The following ZNF444 variants were observed in gnomAD, a reference collection of about 807,000 sequenced individuals.
ZNF444 encodes endothelial zinc finger protein 2.
ZNF444 carries 8 observed loss-of-function variants against 14.4 expected under a neutral mutation model. The ratio of observed to expected loss-of-function variants is 0.56; its 90% CI spans 0.33 to 1.00. The LOEUF (loss-of-function observed/expected upper bound fraction) is 1.00, where lower values mean the gene tolerates loss of function less well. ZNF444 is among the 50% of genes least tolerant of loss of function. ZNF444 has a pLI of 0.03. For synonymous variants in ZNF444, 258 were observed against 235.9 expected (o/e 1.09, Z -0.86); for missense variants, 510 against 504.8 (o/e 1.01, Z -0.10).
At chr19:56,134,457 G>T (rs1366837775) in intron 1 of ZNF444, among the ~76,000 whole-genome samples, 1 of 152,146 alleles carries the variant, frequency 6.6e-6, no homozygotes, top group Non-Finnish European at 1.5e-5. Context: ...CTCAGCATGA[G>T]GTGGGCGGAG....
chr19:56,152,728 G>GTC (rs1172135800), intron 3 of ZNF444, among the ~76,000 whole-genome samples: 1 of 152,074 alleles, frequency 6.6e-6, no homozygotes, highest in African/African-American at 2.4e-5. Context: ...TTTGGTGAGG[G>GTC]TCTCCTGCTG....
Position 56,147,020 on chromosome 19 carries a change from G to T in ZNF444, c.109G>T (p.Ala37Ser), listed in dbSNP as rs953242071. The change falls in exon 3 of 5, where the codon GCG (alanine) becomes TCG (serine). Residue 37 changes from alanine to serine, a missense_variant. Transcript: ENST00000337080. The surrounding 1 kb of genome is among the most constrained non-coding windows in gnomAD (Gnocchi z 5.9). ...HLGDAPGPREALGLLRALCRD... is the reference protein window; with the variant it reads ...HLGDAPGPRESLGLLRALCRD... ...GGGCGACGCGCCGGGCCCGCGGGAG[G>T]CGCTGGGGCTGCTCCGCGCCCTGTG... The T allele has an allele frequency of 6.7e-7, 1 of 1,486,028 alleles. No homozygotes were observed. Among genetic ancestry groups the T allele is most frequent in the Non-Finnish European group, 8.9e-7 (1 of 1,127,728 alleles). 92.1% of individuals were successfully genotyped at this position (1,486,028 alleles called of 1,614,324 possible). A position where few individuals can be genotyped will look rare whatever the true frequency, so the allele number is the denominator to read the frequency against.
chr19:56,139,362 C>A (rs1009800481), upstream of ZNF444, among the ~76,000 whole-genome samples: 1 of 151,946 alleles, frequency 6.6e-6, no homozygotes, highest in Non-Finnish European at 1.5e-5. Context: ...GCCAATAGGA[C>A]CTGATGATAG....
chr19:56,142,590 C>T (rs965266259), intron 1 of ZNF444, among the ~76,000 whole-genome samples: 1 of 152,202 alleles, frequency 6.6e-6, no homozygotes, highest in Non-Finnish European at 1.5e-5. Flanking sequence ...CCATTAATGT[C>T]GAGGTTGGGA....
chr19:56,159,270 C>T (rs2032110871), intron 4 of ZNF444, among the ~76,000 whole-genome samples: 2 of 151,782 alleles, frequency 1.3e-5, no homozygotes, highest in South Asian at 4.2e-4. Context: ...ATTCATCCAC[C>T]CCTCATCCAC....
chr19:56,135,467 CT>C, intron 1 of ZNF444, among the ~76,000 whole-genome samples: 1 of 152,156 alleles, frequency 6.6e-6, no homozygotes, highest in African/African-American at 2.4e-5. Context: ...TAAAATTCAG[CT>C]GCCAAACCAT....
intron 3 of ZNF444, chr19:56,156,333 T>C (rs1003282273): frequency 4.6e-5 from 7 of 152,256 alleles, no homozygotes; most frequent in Admixed American, 3.3e-4. Flanking sequence ...GAGGCATAAC[T>C]GAAGCATGGA....
Position 56,147,067 on chromosome 19 carries a change from G to A in ZNF444, c.156G>A (p.Glu52=). The part of the protein sequence containing the change: ...RALCRDWLRP[E]VHTKEQMLEL... Reference sequence around the variant, plus strand: ...TGTGCCGGGACTGGCTGCGGCCCGAGGTGCACACCAAGGAGCAGATGTTGG... The same window carrying A: ...TGTGCCGGGACTGGCTGCGGCCCGAAGTGCACACCAAGGAGCAGATGTTGG... Residue 52 remains glutamate, a synonymous_variant, in exon 3 of 5, where the codon GAG becomes GAA. Transcript: ENST00000337080. This position sits in a 1 kb window ranked among gnomAD's most constrained non-coding sequence, Gnocchi z 5.9. The A allele has an allele frequency of 6.3e-7, 1 of 1,581,326 alleles. No individual in the cohort carries two copies. The highest frequency in any genetic ancestry group is 8.6e-7 in the Non-Finnish European group (1 of 1,167,860).
chr19:56,139,715 C>CAAAA (rs10690874), upstream of ZNF444, among the ~76,000 whole-genome samples: 128 of 143,334 alleles, frequency 8.9e-4, no homozygotes, highest in African/African-American at 3.1e-3. Flanking sequence ...AACAAAAAAC[C>CAAAA]AAAAAAAAAA....
chr19:56,134,862 A>ATCCCAGCTACTCAG (rs2030575423), intron 1 of ZNF444, among the ~76,000 whole-genome samples: 1 of 152,020 alleles, frequency 6.6e-6, no homozygotes, highest in Admixed American at 6.6e-5. Context: ...GGTAGCTGTA[A>ATCCCAGCTACTCAG]TCCCAGCTAC....
intron 3 of ZNF444, among the ~76,000 whole-genome samples, chr19:56,153,897 C>T (rs2031737900): frequency 6.6e-6 from 1 of 152,170 alleles, no homozygotes; most frequent in Admixed American, 6.5e-5. Context: ...AGAAGCCAAA[C>T]TCAGAAGATT....
At chr19:56,143,606 C>T (rs749431298) in intron 1 of ZNF444, 1 of 152,182 alleles carries the variant, frequency 6.6e-6, no homozygotes, top group Non-Finnish European at 1.5e-5. Context: ...GACATCTCCC[C>T]TTGCTCCTGC....
chr19:56,133,061 C>T (rs762453563), intron 1 of ZNF444, among the ~76,000 whole-genome samples: 2 of 150,358 alleles, frequency 1.3e-5, no homozygotes, highest in Non-Finnish European at 3.0e-5. Flanking sequence ...CCTCAGCCTC[C>T]CAAGTAGCTG....
upstream of ZNF444, among the ~76,000 whole-genome samples, chr19:56,139,332 G>A (rs148716734): frequency 6.6e-6 from 1 of 152,098 alleles, no homozygotes; most frequent in African/African-American, 2.4e-5. Context: ...GACAGATTCT[G>A]CATCTATTTT....
upstream of ZNF444, among the ~76,000 whole-genome samples, chr19:56,138,454 C>T (rs1197539509): frequency 1.3e-5 from 2 of 151,748 alleles, no homozygotes; most frequent in African/African-American, 2.4e-5. Context: ...TGGCAAAACG[C>T]TGTCCCTACA....
At chr19:56,146,766 G>A (rs777907285) in intron 2 of ZNF444, 124 bp from the exon 3 acceptor site, 2 of 799,316 alleles carry the variant, frequency 2.5e-6, no homozygotes, top group Non-Finnish European at 3.4e-6. Flanking sequence ...CAACCTGGGG[G>A]AAAGAGCGAA....
Position 56,159,797 on chromosome 19 carries a change from C to T in ZNF444, c.580C>T (p.Leu194=). Residue 194 remains leucine, a synonymous_variant, in exon 5 of 5, where the codon CTG becomes TTG. Transcript: ENST00000337080. The part of the protein sequence containing the change: ...CGKTSLKPAH[L]LRHRQSHSGE... ...CAAAACGTCCCTGAAACCAGCTCACCTGCTGCGCCACCGGCAGAGCCACTC... is the reference window on the plus strand; with the variant it reads ...CAAAACGTCCCTGAAACCAGCTCACTTGCTGCGCCACCGGCAGAGCCACTC... The T allele has an allele frequency of 1.3e-6, 2 of 1,590,402 alleles. No individual in the cohort carries two copies. The highest frequency in any genetic ancestry group is 1.1e-5 in the South Asian group (1 of 88,494).
chr19:56,148,179 TG>T (rs145910845), intron 3 of ZNF444, among the ~76,000 whole-genome samples: 1 of 152,226 alleles, frequency 6.6e-6, no homozygotes, highest in Admixed American at 6.5e-5. Flanking sequence ...CTCCCATGGC[TG>T]GTGGCTGCTG....
At chr19:56,153,286 T>G (rs1351536669) in intron 3 of ZNF444, among the ~76,000 whole-genome samples, 1 of 152,174 alleles carries the variant, frequency 6.6e-6, no homozygotes, top group Non-Finnish European at 1.5e-5. Flanking sequence ...GTTTATGACT[T>G]TTTTATGGTA....
Sources: allele counts gnomAD v4.1 joint callset (sites outside exome capture counted in the v4.1 genomes callset), GRCh38; gene constraint gnomAD v4.1.1; non-coding constraint Gnocchi (gnomAD v3.1); transcripts MANE v1.5; gene names NCBI Gene and HGNC (gene_info 2026-07-23, HGNC 2026-07-21).